Variants in EXOC6 observed in about 807,000 individuals in gnomAD.
EXOC6 encodes the protein SEC15-like 1.
Under a neutral mutation model 112.5 loss-of-function variants are expected in EXOC6, and 60 were observed. That is an observed-to-expected ratio of 0.53 (90% confidence interval 0.43 to 0.66). EXOC6 has a LOEUF of 0.66. EXOC6 is among the 30% of genes least tolerant of loss of function. The probability of loss-of-function intolerance (pLI) is 0.00; values close to 1 mark genes in which losing one functional copy is unlikely to be tolerated. For synonymous variants in EXOC6, 295 were observed against 308.0 expected (o/e 0.96, Z 0.44); for missense variants, 855 against 957.1 (o/e 0.89, Z 1.41).
chr10:92,899,680 A>T (rs763636922), intron 5 of EXOC6, 36 bp downstream of exon 5: 29 of 1,459,992 alleles, frequency 2.0e-5, no homozygotes, highest in Non-Finnish European at 2.7e-5. Flanking sequence ...TTAAATAAGA[A>T]TTTTTTTCTA....
upstream of EXOC6, chr10:92,834,644 T>C: frequency 9.9e-7 from 1 of 1,007,874 alleles, no homozygotes; most frequent in Admixed American, 2.8e-5. Flanking sequence ...TTCTAATAAT[T>C]ATAAGGAAAA....
intron 1 of EXOC6, among the ~76,000 whole-genome samples, chr10:92,865,261 C>T (rs1214156681): frequency 5.9e-5 from 9 of 151,992 alleles, no homozygotes; most frequent in East Asian, 2.0e-4. Context: ...CAGCTGGGCA[C>T]GGTGGCTCAC....
chr10:92,854,815 T>TTGTG (rs541014925), intron 1 of EXOC6, among the ~76,000 whole-genome samples: 1 of 151,782 alleles, frequency 6.6e-6, no homozygotes, highest in Admixed American at 6.6e-5. Flanking sequence ...GATCTGTTTT[T>TTGTG]TGTGTGTGTG....
chr10:92,936,978 G>A (rs182698296), intron 12 of EXOC6, among the ~76,000 whole-genome samples: 47 of 151,984 alleles, frequency 3.1e-4, no homozygotes, highest in African/African-American at 1.1e-3. Context: ...ATTCCCCCCT[G>A]GATATTAGGA....
At chr10:93,041,277 C>T (rs1208720158) in intron 20 of EXOC6, among the ~76,000 whole-genome samples, 1 of 152,094 alleles carries the variant, frequency 6.6e-6, no homozygotes, top group Non-Finnish European at 1.5e-5. Context: ...CCTGTCTGTC[C>T]CAATGTATTT....
At chr10:93,027,827 C>T (rs1338587357) in intron 20 of EXOC6, among the ~76,000 whole-genome samples, 1 of 152,220 alleles carries the variant, frequency 6.6e-6, no homozygotes, top group African/African-American at 2.4e-5. Flanking sequence ...GTTTTCATGC[C>T]TGCTAACACA....
In EXOC6 at chr10:92,928,452, G is replaced by C. The variant is rs749915890; in HGVS notation, c.972+30G>C. Reference sequence around the variant, plus strand: ...GTATGCGATATTTTGAATTGGTTATGTTGTCACTTTTTATCCCCTTACCCT... The same window carrying C: ...GTATGCGATATTTTGAATTGGTTATCTTGTCACTTTTTATCCCCTTACCCT... On this transcript the variant is annotated intron_variant, in intron 9 of 21. Coordinates refer to ENST00000260762, the MANE Select transcript of EXOC6 (RefSeq NM_019053.6). 80 of 1,388,684 alleles carry C rather than the reference G, an allele frequency of 5.8e-5. 1 individual carries two copies. The Admixed American group carries it at 1.4e-3, about 24-fold the overall frequency. The allele number at this position is 1,388,684 out of a possible 1,614,324, so 86.0% of individuals were successfully genotyped here.
At position 92,899,654 on chromosome 10, in the gene EXOC6, T is replaced by G; in HGVS notation, c.458+10T>G. On this transcript the variant is annotated intron_variant, in intron 5 of 21. Transcript: ENST00000260762. Reference sequence around the variant, plus strand: ...AGATGAGTGCCAAAAGGTGAGTTGGTTTTTTTCCTATTGTTTTAAATAAGA... The same window carrying G: ...AGATGAGTGCCAAAAGGTGAGTTGGGTTTTTTCCTATTGTTTTAAATAAGA... 1 of 1,600,254 alleles carries G rather than the reference T, an allele frequency of 6.2e-7. No individual in the cohort carries two copies. Among genetic ancestry groups the G allele is most frequent in the Admixed American group, 1.7e-5 (1 of 59,278 alleles).
intron 8 of EXOC6, among the ~76,000 whole-genome samples, chr10:92,927,201 G>A (rs1283242461): frequency 6.6e-6 from 1 of 151,874 alleles, no homozygotes; most frequent in Non-Finnish European, 1.5e-5. Context: ...TTTTTTTCCT[G>A]TAGTTTTTTT....
intron 13 of EXOC6, among the ~76,000 whole-genome samples, chr10:92,942,677 A>G (rs982236801): frequency 7.2e-5 from 11 of 152,292 alleles, no homozygotes; most frequent in African/African-American, 2.6e-4. Context: ...GTAATATGAT[A>G]TTTTTATAGT....
intron 19 of EXOC6, among the ~76,000 whole-genome samples, chr10:93,000,860 A>G (rs1021143441): frequency 3.3e-5 from 5 of 152,208 alleles, no homozygotes; most frequent in African/African-American, 1.2e-4. Flanking sequence ...GGTGCAAAAA[A>G]ACCATCCACC....
chr10:92,926,188 T>A (rs1379100444), intron 8 of EXOC6, among the ~76,000 whole-genome samples: 1 of 152,106 alleles, frequency 6.6e-6, no homozygotes, highest in East Asian at 1.9e-4. Context: ...CTTTTGGGTT[T>A]ACTCATTATC....
intron 17 of EXOC6, among the ~76,000 whole-genome samples, chr10:92,972,010 G>A (rs1361319589): frequency 6.6e-6 from 1 of 152,154 alleles, no homozygotes; most frequent in Non-Finnish European, 1.5e-5. Flanking sequence ...TGTGTTCTTT[G>A]TCATATGTGG....
chr10:92,875,558 A>G (rs540846496), intron 1 of EXOC6, among the ~76,000 whole-genome samples: 94 of 152,336 alleles, frequency 6.2e-4, no homozygotes, highest in African/African-American at 2.2e-3. Context: ...GTGTTACATA[A>G]CAGAATGCCA....
chr10:93,015,823 C>G (rs140512456), intron 20 of EXOC6, among the ~76,000 whole-genome samples: 182 of 151,818 alleles, frequency 1.2e-3, no homozygotes, highest in African/African-American at 4.0e-3. Flanking sequence ...ATTCTTATCT[C>G]CAAATTATGT....
chr10:92,858,342 C>T lies in EXOC6; in HGVS notation c.101+9708C>T, dbSNP rs145586435. 4.3e-3 allele frequency among the ~76,000 whole-genome samples: 647 copies of T among 152,222 alleles called. 1 individual carries two copies. Among genetic ancestry groups the T allele is most frequent in the Non-Finnish European group, 6.4e-3 (435 of 68,006 alleles). On this transcript the variant is annotated intron_variant, in intron 1 of 21. Transcript: ENST00000260762. ...CCTTTCTCTTCTCTACTTTGGTGCTCCCATCTCATGTATGCTGGTGTGCTT... is the reference window on the plus strand; with the variant it reads ...CCTTTCTCTTCTCTACTTTGGTGCTTCCATCTCATGTATGCTGGTGTGCTT...
At chr10:93,037,652 C>A (rs925804252) in intron 20 of EXOC6, among the ~76,000 whole-genome samples, 5 of 151,962 alleles carry the variant, frequency 3.3e-5, no homozygotes, top group African/African-American at 9.7e-5. Context: ...TTTGGCCAGG[C>A]TGGTCTCAAA....
In EXOC6 at chr10:93,049,286, C is replaced by T. The variant is rs566191961; in HGVS notation, c.2170-7638C>T. On this transcript the variant is annotated intron_variant, in intron 20 of 21. Coordinates refer to ENST00000260762, the MANE Select transcript of EXOC6 (RefSeq NM_019053.6). Reference sequence around the variant, plus strand: ...CTGTATTAGCCAGGATGGTCTCGATCTCCTGTCCTCATGATCCACCCTCCT... The same window carrying T: ...CTGTATTAGCCAGGATGGTCTCGATTTCCTGTCCTCATGATCCACCCTCCT... Among the ~76,000 whole-genome samples the T allele has an allele frequency of 2.6e-5, 4 of 152,254 alleles. No individual in the cohort carries two copies. The East Asian group carries it at 7.7e-4, about 29-fold the overall frequency.
At chr10:92,969,903 AG>A (rs1842218711) in intron 17 of EXOC6, among the ~76,000 whole-genome samples, 1 of 152,158 alleles carries the variant, frequency 6.6e-6, no homozygotes, top group Admixed American at 6.5e-5. Flanking sequence ...CATGTTGGCC[AG>A]GCTGGTCTCG....
Sources: allele counts gnomAD v4.1 joint callset (sites outside exome capture counted in the v4.1 genomes callset), GRCh38; gene constraint gnomAD v4.1.1; transcripts MANE v1.5; gene names NCBI Gene and HGNC (gene_info 2026-07-23, HGNC 2026-07-21).